VAV3: variants seen among roughly 807,000 people sequenced by gnomAD.
The protein encoded by VAV3 is vav guanine nucleotide exchange factor 3, also known as guanine nucleotide exchange factor VAV3.
In VAV3, 94 loss-of-function variants were observed where a neutral mutation model predicts 131.2. The observed-to-expected ratio is 0.72, with a 90% CI of 0.61 to 0.85. The LOEUF is 0.85. VAV3 is among the 40% of genes least tolerant of loss of function. The pLI is 0.00. For synonymous variants in VAV3, 349 were observed against 342.0 expected (o/e 1.02, Z -0.22); for missense variants, 939 against 1,002.7 (o/e 0.94, Z 0.86).
chr1:107,723,063 T>G (rs1225557586), intron 15 of VAV3, among the ~76,000 whole-genome samples: 3 of 152,144 alleles, frequency 2.0e-5, no homozygotes, highest in Non-Finnish European at 4.4e-5. Flanking sequence ...TGTTATTGTG[T>G]AATTATTTGT....
chr1:107,805,331 C>G (rs188941830), intron 2 of VAV3, among the ~76,000 whole-genome samples: 1 of 152,120 alleles, frequency 6.6e-6, no homozygotes, highest in African/African-American at 2.4e-5. Flanking sequence ...ATATCTCATA[C>G]GTGACCTGTC....
At chr1:107,686,551 GT>G (rs1160700272) in intron 18 of VAV3, among the ~76,000 whole-genome samples, 1 of 152,136 alleles carries the variant, frequency 6.6e-6, no homozygotes, top group African/African-American at 2.4e-5. Context: ...CTTAATATTA[GT>G]TTGCTGTATT....
chr1:107,703,641 C>T (rs1169008077), intron 17 of VAV3, among the ~76,000 whole-genome samples: 3 of 152,164 alleles, frequency 2.0e-5, no homozygotes, highest in African/African-American at 7.2e-5. Flanking sequence ...GAACTCAGCT[C>T]CGAAATGAGC....
chr1:107,783,221 T>C (rs545327903), intron 2 of VAV3, among the ~76,000 whole-genome samples: 1 of 152,176 alleles, frequency 6.6e-6, no homozygotes, highest in Non-Finnish European at 1.5e-5. Context: ...GGAAGGACCA[T>C]TGAGAAAGTG....
Position 107,688,348 on chromosome 1 carries a change from G to A in VAV3, c.1731+33C>T, listed in dbSNP as rs753438839. On this transcript the variant is annotated intron_variant, in intron 18 of 26. Coordinates refer to ENST00000370056, the MANE Select transcript of VAV3 (RefSeq NM_006113.5). The stretch of plus-strand genomic sequence containing the variant: ...GTTAGCAAACAACTTGAAATGCAAA[G>A]GTTATAAAAAATATTTAAAATGTTA... 3 of 1,606,722 alleles carry A rather than the reference G, an allele frequency of 1.9e-6. No homozygotes were observed. In the African/African-American group the frequency reaches 4.0e-5, roughly 22 times the overall value.
intron 1 of VAV3, among the ~76,000 whole-genome samples, chr1:107,909,448 GA>G (rs150606504): frequency 0.16 from 24,259 of 149,550 alleles, 2,029 homozygotes; most frequent in South Asian, 0.22. Context: ...GTAGACAATG[GA>G]AAAAAAAATG....
intron 24 of VAV3, among the ~76,000 whole-genome samples, chr1:107,599,237 T>C (rs1433063422): frequency 1.3e-5 from 2 of 152,196 alleles, no homozygotes; most frequent in Non-Finnish European, 2.9e-5. Context: ...AGGGTAAATC[T>C]TCCTACATGT....
intron 1 of VAV3, among the ~76,000 whole-genome samples, chr1:107,913,914 C>T (rs1462395424): frequency 1.3e-5 from 2 of 152,164 alleles, no homozygotes; most frequent in Admixed American, 1.3e-4. Context: ...TCCGCCTCAG[C>T]CTCCCAAGTA....
At chr1:107,926,643 G>C (rs1349798677) in intron 1 of VAV3, among the ~76,000 whole-genome samples, 1 of 152,134 alleles carries the variant, frequency 6.6e-6, no homozygotes, top group African/African-American at 2.4e-5. Context: ...TAGAGAAAGA[G>C]TGCAGCAAGC....
intron 2 of VAV3, among the ~76,000 whole-genome samples, chr1:107,869,218 G>A (rs1464552822): frequency 1.3e-5 from 2 of 152,200 alleles, no homozygotes; most frequent in East Asian, 1.9e-4. Flanking sequence ...AAAGAGGAAA[G>A]TGTGGTTTCT....
intron 1 of VAV3, among the ~76,000 whole-genome samples, chr1:107,942,133 T>C (rs549095926): frequency 4.5e-4 from 68 of 152,312 alleles, no homozygotes; most frequent in African/African-American, 1.5e-3. Context: ...AATTCTTCAG[T>C]ATGTTATGCT....
chr1:107,818,453 G>GAAGGAGGGGAAAGGAAACAGGA (rs1394364542), intron 2 of VAV3, among the ~76,000 whole-genome samples: 9 of 152,056 alleles, frequency 5.9e-5, no homozygotes, highest in African/African-American at 1.7e-4. Context: ...GGAAAAGAGG[G>GAAGGAGGGGAAAGGAAACAGGA]AAGGAGGGGA....
At chr1:107,646,225 T>G (rs1356317983) in intron 19 of VAV3, among the ~76,000 whole-genome samples, 1 of 152,076 alleles carries the variant, frequency 6.6e-6, no homozygotes, top group Non-Finnish European at 1.5e-5. Context: ...GACAGTCATA[T>G]TCCTTAAAAA....
At chr1:107,893,154 C>T (rs746365885) in intron 1 of VAV3, among the ~76,000 whole-genome samples, 11 of 152,120 alleles carry the variant, frequency 7.2e-5, no homozygotes, top group East Asian at 3.8e-4. Flanking sequence ...TATTCTGTCA[C>T]GAACATTTTC....
chr1:107,735,663 G>A (rs147563263), intron 15 of VAV3, among the ~76,000 whole-genome samples: 309 of 152,262 alleles, frequency 2.0e-3, no homozygotes, highest in African/African-American at 6.9e-3. Flanking sequence ...CTAGGAAGAC[G>A]CTGAATTCCT....
Position 107,766,521 on chromosome 1 carries a change from C to T in VAV3, c.747G>A (p.Met249Ile), listed in dbSNP as rs1557832636. 20 of 1,613,408 alleles carry T rather than the reference C, an allele frequency of 1.2e-5. No homozygotes were observed. The Middle Eastern group carries it at 5.0e-4, about 40-fold the overall frequency. ...PELVKLHRNLMQEIHDSIVNK... is the reference protein window; with the variant it reads ...PELVKLHRNLIQEIHDSIVNK... Reference sequence around the variant, plus strand: ...TTACAATGGAATCATGAATCTCTTGCATTAGGTTCCGATGAAGTTTTACAA... The same window carrying T: ...TTACAATGGAATCATGAATCTCTTGTATTAGGTTCCGATGAAGTTTTACAA... The change falls in exon 8 of 27, where the codon ATG becomes ATA. Residue 249 changes from methionine (M) to isoleucine (I), a missense_variant. Coordinates refer to ENST00000370056, the MANE Select transcript of VAV3 (RefSeq NM_006113.5).
intron 1 of VAV3, among the ~76,000 whole-genome samples, chr1:107,956,265 A>G (rs1674808588): frequency 6.6e-6 from 1 of 152,236 alleles, no homozygotes; most frequent in African/African-American, 2.4e-5. Flanking sequence ...CGGGTGATTA[A>G]GTTAAGTTTA....
chr1:107,878,616 G>C (rs1012793348), intron 1 of VAV3, among the ~76,000 whole-genome samples: 2 of 152,130 alleles, frequency 1.3e-5, no homozygotes, highest in African/African-American at 4.8e-5. Flanking sequence ...AAATTAAACA[G>C]TTCTGATAAA....
At chr1:107,830,101 G>A (rs1470863595) in intron 2 of VAV3, among the ~76,000 whole-genome samples, 1 of 152,094 alleles carries the variant, frequency 6.6e-6, no homozygotes, top group Non-Finnish European at 1.5e-5. Context: ...GGCTTTAAAG[G>A]CCATTGTCAG....
Sources: allele counts gnomAD v4.1 joint callset (sites outside exome capture counted in the v4.1 genomes callset), GRCh38; gene constraint gnomAD v4.1.1; transcripts MANE v1.5; gene names NCBI Gene and HGNC (gene_info 2026-07-23, HGNC 2026-07-21).